The following SMAP1 variants were observed in gnomAD, a reference collection of about 807,000 sequenced individuals.
The protein encoded by SMAP1 is small ArfGAP 1.
SMAP1 carries 24 observed loss-of-function variants against 58.5 expected under a neutral mutation model. That is an observed-to-expected ratio of 0.41 (90% CI 0.30 to 0.58). The LOEUF (loss-of-function observed/expected upper bound fraction) is 0.58, where lower values mean the gene tolerates loss of function less well. Ranked by LOEUF, SMAP1 falls within the 20% of genes least tolerant of loss-of-function variation. The pLI, the probability that SMAP1 is intolerant of heterozygous loss-of-function variation, is 0.29. For synonymous variants in SMAP1, 216 were observed against 196.6 expected, an observed-to-expected ratio of 1.10 and a Z score of -0.82; for missense variants, 563 against 566.3, an observed-to-expected ratio of 0.99 and a Z score of 0.06.
At chr6:70,738,107 C>T (rs994307821) in intron 2 of SMAP1, among the ~76,000 whole-genome samples, 3 of 152,138 alleles carry the variant, frequency 2.0e-5, no homozygotes, top group Non-Finnish European at 4.4e-5. Flanking sequence ...AATCGTGTGG[C>T]TGGGATTTAA....
rs1041727008 is a variant in SMAP1, at chr6:70,861,771, T to C, written c.*1437T>C. On this transcript the variant is annotated 3_prime_UTR_variant, in exon 11 of 11. Coordinates refer to ENST00000370455, the MANE Select transcript of SMAP1 (RefSeq NM_001044305.3). ...GAACCTGAAGGGGAAGGAAATAGCTTGGGTAGCGCACTCTTCATGGTGACA... is the reference window on the plus strand; with the variant it reads ...GAACCTGAAGGGGAAGGAAATAGCTCGGGTAGCGCACTCTTCATGGTGACA... The C allele has an allele frequency of 1.2e-6, 2 of 1,613,872 alleles. No individual in the cohort carries two copies. The highest frequency in any genetic ancestry group is 2.7e-5 in the African/African-American group (2 of 74,904).
intron 2 of SMAP1, among the ~76,000 whole-genome samples, chr6:70,732,873 G>A (rs543085629): frequency 6.6e-6 from 1 of 152,176 alleles, no homozygotes; most frequent in African/African-American, 2.4e-5. Context: ...CCTAAAAATG[G>A]ACTTGAGTAA....
At chr6:70,819,697 A>G (rs905573924) in intron 6 of SMAP1, among the ~76,000 whole-genome samples, 2 of 152,334 alleles carry the variant, frequency 1.3e-5, no homozygotes, top group African/African-American at 4.8e-5. Flanking sequence ...CTAAAAGGAT[A>G]CAGTTTTTAA....
At chr6:70,698,968 G>A (rs185619339) in intron 1 of SMAP1, among the ~76,000 whole-genome samples, 1 of 152,288 alleles carries the variant, frequency 6.6e-6, no homozygotes, top group Admixed American at 6.5e-5. Flanking sequence ...GTTGATGTCT[G>A]GGCATTGAAG....
At chr6:70,837,766 T>C in intron 7 of SMAP1, 1 of 1,226,078 alleles carries the variant, frequency 8.2e-7, no homozygotes, top group Non-Finnish European at 1.1e-6. Context: ...AATTTAAATT[T>C]TTCTTTTTTT....
intron 9 of SMAP1, 178 bp downstream of exon 9, chr6:70,857,208 A>T (rs995027370): frequency 5.0e-5 from 26 of 516,436 alleles, no homozygotes; most frequent in African/African-American, 9.6e-5. Flanking sequence ...ATTAAGAGGC[A>T]TGTACAGGAT....
intron 1 of SMAP1, among the ~76,000 whole-genome samples, chr6:70,692,598 G>A (rs1238689953): frequency 6.6e-6 from 1 of 152,194 alleles, no homozygotes; most frequent in African/African-American, 2.4e-5. Flanking sequence ...TTTGAATATG[G>A]TGAGAGATAC....
chr6:70,711,772 C>T (rs1456975369), intron 1 of SMAP1, among the ~76,000 whole-genome samples: 1 of 152,140 alleles, frequency 6.6e-6, no homozygotes, highest in Admixed American at 6.5e-5. Flanking sequence ...AGGTGATCCA[C>T]CTGCCTCGTC....
chr6:70,738,542 T>G (rs567201371), intron 2 of SMAP1, among the ~76,000 whole-genome samples: 39 of 152,328 alleles, frequency 2.6e-4, no homozygotes, highest in Non-Finnish European at 5.1e-4. Flanking sequence ...TGGGTAGTCT[T>G]TAACTTAACT....
intron 2 of SMAP1, among the ~76,000 whole-genome samples, chr6:70,739,188 G>C (rs1765724422): frequency 1.3e-5 from 2 of 152,272 alleles, no homozygotes; most frequent in South Asian, 4.1e-4. Flanking sequence ...TGCTGTCTTA[G>C]ATATTGGTGA....
intron 2 of SMAP1, among the ~76,000 whole-genome samples, chr6:70,749,894 G>A (rs553198909): frequency 6.6e-6 from 1 of 152,310 alleles, no homozygotes; most frequent in Admixed American, 6.5e-5. Flanking sequence ...CCTAGGACAA[G>A]TAGAAGCCAT....
intron 9 of SMAP1, chr6:70,857,479 T>A (rs886618829): frequency 1.0e-4 from 17 of 170,604 alleles, no homozygotes; most frequent in Admixed American, 9.1e-4. Context: ...TTTCACACCA[T>A]TTCCTTTAAA....
In SMAP1 at chr6:70,800,570, G is replaced by A. The variant is rs182328033; in HGVS notation, c.576+1833G>A. On this transcript the variant is annotated intron_variant, in intron 6 of 10. Coordinates refer to ENST00000370455, the MANE Select transcript of SMAP1 (RefSeq NM_001044305.3). ...CTAGGGTATATGTGCACAGTGTGCC[G>A]GTTTGTTACACAGGTATACATGTGC... Among the ~76,000 whole-genome samples, 331 of 151,968 alleles carry A rather than the reference G, an allele frequency of 2.2e-3. 2 individuals carry two copies. Among genetic ancestry groups the A allele is most frequent in the South Asian group, 7.1e-3 (34 of 4,790 alleles).
At chr6:70,688,350 T>G (rs1376172857) in intron 1 of SMAP1, among the ~76,000 whole-genome samples, 1 of 152,172 alleles carries the variant, frequency 6.6e-6, no homozygotes, top group African/African-American at 2.4e-5. Flanking sequence ...GTATGGTGAT[T>G]GCATGCTTAG....
chr6:70,780,136 G>C (rs145958067), intron 4 of SMAP1, among the ~76,000 whole-genome samples: 1 of 152,178 alleles, frequency 6.6e-6, no homozygotes, highest in African/African-American at 2.4e-5. Context: ...CTCAGGGTTG[G>C]TGTTTATACA....
intron 3 of SMAP1, among the ~76,000 whole-genome samples, 167 bp downstream of exon 3, chr6:70,755,232 T>G (rs555281396): frequency 4.6e-5 from 7 of 152,156 alleles, no homozygotes; most frequent in East Asian, 3.9e-4. Context: ...GGTAGGTTTT[T>G]AGTAGGAATT....
At chr6:70,857,826 T>C (rs1771497460) in intron 9 of SMAP1, 96 bp from the exon 10 acceptor site, 7 of 1,344,598 alleles carry the variant, frequency 5.2e-6, no homozygotes, top group Non-Finnish European at 7.2e-6. Flanking sequence ...ATGTTTGCTG[T>C]GAGTAGTTCA....
intron 6 of SMAP1, among the ~76,000 whole-genome samples, chr6:70,822,780 A>C (rs150809939): frequency 4.6e-5 from 7 of 150,858 alleles, no homozygotes; most frequent in Admixed American, 4.6e-4. Flanking sequence ...CATTACATGT[A>C]TGTTACACTT....
rs79016529 is a variant in SMAP1 at position 70,781,608 on chromosome 6, A to G, written c.414+8183A>G. Among the ~76,000 whole-genome samples, 320 of 152,328 alleles carry G rather than the reference A, an allele frequency of 2.1e-3. 3 individuals are homozygous for G. The highest frequency in any genetic ancestry group is 7.2e-3 in the African/African-American group (300 of 41,580). ...GGAATCCATTGCCAATAATTAATCT[A>G]TAAGATGTTTTTCAGTGACTGTATC... is the stretch of plus-strand genomic sequence containing the variant. On this transcript the variant is annotated intron_variant, in intron 4 of 10. Transcript: ENST00000370455.
Sources: allele counts gnomAD v4.1 joint callset (sites outside exome capture counted in the v4.1 genomes callset), GRCh38; gene constraint gnomAD v4.1.1; transcripts MANE v1.5; gene names NCBI Gene and HGNC (gene_info 2026-07-23, HGNC 2026-07-21).